MAP7: variants seen among roughly 807,000 people sequenced by gnomAD.
MAP7 encodes the protein microtubule associated protein 7.
MAP7 carries 52 observed loss-of-function variants against 94.8 expected under a neutral mutation model. The ratio of observed to expected loss-of-function variants is 0.55; its 90% confidence interval spans 0.44 to 0.69. The LOEUF (loss-of-function observed/expected upper bound fraction) is 0.69. MAP7 is among the 30% of genes least tolerant of loss of function. The pLI, the probability that MAP7 is intolerant of heterozygous loss-of-function variation, is 0.00. For missense variants in MAP7, 940 were observed against 964.6 expected (o/e 0.97, Z 0.34); for synonymous variants, 350 against 357.0 (o/e 0.98, Z 0.22).
intron 15 of MAP7, among the ~76,000 whole-genome samples, chr6:136,359,213 G>T (rs1043422144): frequency 6.6e-6 from 1 of 152,028 alleles, no homozygotes; most frequent in Admixed American, 6.5e-5. Flanking sequence ...TAACTCTAAT[G>T]AAATTTCAAG....
At chr6:136,422,769 AT>A (rs2128775917) in intron 1 of MAP7, among the ~76,000 whole-genome samples, 1 of 152,220 alleles carries the variant, frequency 6.6e-6, no homozygotes, top group East Asian at 1.9e-4. Flanking sequence ...GTCTAAGATT[AT>A]ATATTGCTAA....
chr6:136,425,948 T>C (rs915126580), intron 1 of MAP7, among the ~76,000 whole-genome samples: 2 of 152,198 alleles, frequency 1.3e-5, no homozygotes, highest in South Asian at 2.1e-4. Flanking sequence ...AGTAATATTA[T>C]TAGGGGTATA....
At position 136,550,224 on chromosome 6, in the gene MAP7, C is replaced by T; in HGVS notation, c.67+118G>A. 1.1e-6 allele frequency: 1 copy of T among 887,126 alleles called. No homozygotes were observed. Among genetic ancestry groups the T allele is most frequent in the African/African-American group, 1.8e-5 (1 of 55,840 alleles). 55.0% of individuals were successfully genotyped at this position (887,126 alleles called of 1,614,324 possible). A position where few individuals can be genotyped will look rare whatever the true frequency, so the allele number is the denominator to read the frequency against. On this transcript the variant is annotated intron_variant, in intron 1 of 17. Transcript: ENST00000354570. The surrounding 1 kb of genome is among the most constrained non-coding windows in gnomAD (Gnocchi z 5.1). ...GCGCGCAGGGCCGGTTGTTCCGGGC[C>T]GCGGCCGCGCGGGCGGGGAGGGGGC...
In MAP7 at chr6:136,362,623, T is replaced by TGGGGTGGGGACCGGGGCTG; in HGVS notation, c.1334_1352dup (p.Ala452SerfsTer23). 1 of 1,612,900 alleles carries TGGGGTGGGGACCGGGGCTG rather than the reference T, an allele frequency of 6.2e-7. No individual in the cohort carries two copies. On this transcript the variant is annotated frameshift_variant, in exon 11 of 18. Coordinates refer to ENST00000354570, the MANE Select transcript of MAP7 (RefSeq NM_003980.6). LOFTEE classifies it high-confidence loss of function. Reference sequence around the variant, plus strand: ...TGGATGACGGGGCTGAGACCATGGCTGGGGTGGGGACCGGGGCTGGAGCTG... The same window carrying TGGGGTGGGGACCGGGGCTG: ...TGGATGACGGGGCTGAGACCATGGCTGGGGTGGGGACCGGGGCTGGGGGTGGGGACCGGGGCTGGAGCTG...
chr6:136,492,658 A>G (rs978928706), intron 1 of MAP7, among the ~76,000 whole-genome samples: 8 of 152,196 alleles, frequency 5.3e-5, no homozygotes, highest in African/African-American at 1.9e-4. Flanking sequence ...ATAAAGGGCA[A>G]TATTTCCATA....
chr6:136,482,664 T>C (rs1409234473), intron 1 of MAP7, among the ~76,000 whole-genome samples: 1 of 151,420 alleles, frequency 6.6e-6, no homozygotes, highest in Non-Finnish European at 1.5e-5. Flanking sequence ...AGCAAAGATA[T>C]GGAATCAACC....
intron 5 of MAP7, among the ~76,000 whole-genome samples, chr6:136,386,658 T>C (rs1266355062): frequency 8.5e-5 from 13 of 152,184 alleles, no homozygotes. Context: ...AAATCTCATA[T>C]GTAAATGATC....
At chr6:136,381,927 G>GAC (rs1777896235) in intron 6 of MAP7, among the ~76,000 whole-genome samples, 1 of 111,562 alleles carries the variant, frequency 9.0e-6, no homozygotes, top group Non-Finnish European at 1.9e-5. Context: ...CACAGAGAGA[G>GAC]AGAGAGAGAA....
intron 1 of MAP7, among the ~76,000 whole-genome samples, chr6:136,437,001 T>G (rs1363357982): frequency 6.6e-6 from 1 of 152,234 alleles, no homozygotes; most frequent in Non-Finnish European, 1.5e-5. Context: ...ATAGCATCTG[T>G]GCAGAGTCCA....
At chr6:136,539,016 T>A (rs986158579) in intron 1 of MAP7, among the ~76,000 whole-genome samples, 3 of 152,118 alleles carry the variant, frequency 2.0e-5, no homozygotes, top group African/African-American at 7.2e-5. Context: ...TGAATCATCA[T>A]TACATTCTGA....
At chr6:136,420,734 G>T (rs1791043279) in intron 2 of MAP7, among the ~76,000 whole-genome samples, 2 of 152,008 alleles carry the variant, frequency 1.3e-5, no homozygotes, top group Admixed American at 6.6e-5. Context: ...AGCTTAAGCA[G>T]TATTTTCAAC....
chr6:136,473,155 C>T (rs1407200989), intron 1 of MAP7, among the ~76,000 whole-genome samples: 1 of 152,186 alleles, frequency 6.6e-6, no homozygotes, highest in East Asian at 1.9e-4. Context: ...CATGCCCTCA[C>T]CCTCTCTAAA....
At chr6:136,413,042 G>A (rs1787994504) in intron 2 of MAP7, among the ~76,000 whole-genome samples, 1 of 152,108 alleles carries the variant, frequency 6.6e-6, no homozygotes, top group Non-Finnish European at 1.5e-5. Flanking sequence ...TGCGCCTGTA[G>A]TCCCAGCCAT....
intron 1 of MAP7, among the ~76,000 whole-genome samples, chr6:136,517,976 G>C (rs1280333926): frequency 1.3e-5 from 2 of 151,994 alleles, no homozygotes; most frequent in African/African-American, 4.8e-5. Flanking sequence ...TTTTTAAAAG[G>C]GGCTAATAGA....
At chr6:136,365,661 A>T in intron 10 of MAP7, 74 bp downstream of exon 10, 2 of 1,498,226 alleles carry the variant, frequency 1.3e-6, no homozygotes. Context: ...GAAAAGGAAA[A>T]CAAAAAAAGC....
intron 1 of MAP7, among the ~76,000 whole-genome samples, chr6:136,463,117 G>A (rs78894563): frequency 0.016 from 2,421 of 152,168 alleles, 85 homozygotes; most frequent in East Asian, 0.14. Flanking sequence ...ATGCAGCATA[G>A]TTGTAGTCAA....
intron 1 of MAP7, among the ~76,000 whole-genome samples, chr6:136,451,500 T>C (rs1360116956): frequency 6.6e-6 from 1 of 152,216 alleles, no homozygotes; most frequent in Non-Finnish European, 1.5e-5. Context: ...CTGATGGAGA[T>C]GGACCAGGAG....
At chr6:136,360,237 T>A (rs1489083531) in intron 13 of MAP7, among the ~76,000 whole-genome samples, 1 of 151,782 alleles carries the variant, frequency 6.6e-6, no homozygotes, top group Admixed American at 6.6e-5. Context: ...CACTGTAGCC[T>A]CTGCCTCCTG....
intron 2 of MAP7, among the ~76,000 whole-genome samples, chr6:136,413,366 T>C (rs1788116258): frequency 6.6e-6 from 1 of 151,452 alleles, no homozygotes; most frequent in Non-Finnish European, 1.5e-5. Context: ...CTACTAAAAA[T>C]ACAAAAATTA....
Sources: gnomAD v4.1 joint callset for allele counts (sites outside exome capture counted in the v4.1 genomes callset) on GRCh38, gnomAD v4.1.1 for gene constraint, Gnocchi (gnomAD v3.1) non-coding constraint, MANE v1.5 for transcripts, NCBI Gene and HGNC (gene_info 2026-07-23, HGNC 2026-07-21) for gene names.